The following TFEC variants were observed in gnomAD, a reference collection of about 807,000 sequenced individuals.
The protein encoded by TFEC is transcription factor EC.
A neutral mutation model predicts 41.6 loss-of-function variants in TFEC; 31 were observed. The observed-to-expected ratio is 0.74, with a 90% CI of 0.56 to 1.01. The LOEUF is 1.01. Ranked by LOEUF, TFEC falls within the 50% of genes least tolerant of loss-of-function variation. The probability of loss-of-function intolerance (pLI) is 0.00; values close to 1 mark genes in which losing one functional copy is unlikely to be tolerated. For synonymous variants in TFEC, 143 were observed against 140.6 expected (o/e 1.02, Z -0.12); for missense variants, 402 against 404.1 (o/e 0.99, Z 0.04).
chr7:115,974,739 T>C (rs1417611665), intron 2 of TFEC, among the ~76,000 whole-genome samples: 1 of 151,834 alleles, frequency 6.6e-6, no homozygotes, highest in Non-Finnish European at 1.5e-5. Context: ...ATATTCATGG[T>C]TAAATATTAC....
At chr7:116,067,517 T>C (rs1308068930) in intron 3 of TFEC, among the ~76,000 whole-genome samples, 1 of 152,054 alleles carries the variant, frequency 6.6e-6, no homozygotes, top group Non-Finnish European at 1.5e-5. Flanking sequence ...AGCATTTAGC[T>C]TGACTGGTTT....
At chr7:116,018,381 GTT>G (rs1795271680) in intron 1 of TFEC, among the ~76,000 whole-genome samples, 1 of 152,160 alleles carries the variant, frequency 6.6e-6, no homozygotes, top group Non-Finnish European at 1.5e-5. Flanking sequence ...TGGCTCCAGG[GTT>G]AATGGATGTA....
At chr7:116,041,661 GCTAATCACGTAGAAAA>G (rs1173522239) in intron 3 of TFEC, among the ~76,000 whole-genome samples, 2 of 152,162 alleles carry the variant, frequency 1.3e-5, no homozygotes, top group African/African-American at 4.8e-5. Flanking sequence ...TATAGATCTT[GCTAATCACGTAGAAAA>G]CTCTACTTCA....
chr7:116,009,969 C>T (rs78689695), intron 1 of TFEC, among the ~76,000 whole-genome samples: 18,485 of 152,100 alleles, frequency 0.12, 1,195 homozygotes, highest in Middle Eastern at 0.17. Context: ...GGGAAGACTT[C>T]CCAAAGGATG....
chr7:115,973,283 A>AT (rs1034312828), intron 3 of TFEC, among the ~76,000 whole-genome samples: 1 of 151,654 alleles, frequency 6.6e-6, no homozygotes, highest in South Asian at 2.1e-4. Flanking sequence ...TGCTTCCACC[A>AT]TTTTTTTTCT....
chr7:116,140,789 C>CATTT (rs1276465929), intron 1 of TFEC, among the ~76,000 whole-genome samples: 1 of 152,170 alleles, frequency 6.6e-6, no homozygotes, highest in Non-Finnish European at 1.5e-5. Flanking sequence ...TGCACTGTAG[C>CATTT]ATTTCATCAT....
At position 116,134,347 on chromosome 7, in the gene TFEC, AAAAG is replaced by A. The variant is rs1314763474; in HGVS notation, c.-68-22313_-68-22310del. 3.9e-5 allele frequency among the ~76,000 whole-genome samples: 6 copies of A among 152,224 alleles called. No homozygotes were observed. The South Asian group carries it at 1.2e-3, about 32-fold the overall frequency. On this transcript the variant is annotated intron_variant, in intron 1 of 8. Coordinates refer to the TFEC transcript ENST00000484212. Reference sequence around the variant, plus strand: ...ATGCTAGATATAAAAAATAAGAATAAAAAGAAAGAGGGAAGGAAAAATGTATACC... The same window carrying A: ...ATGCTAGATATAAAAAATAAGAATAAAAAGAGGGAAGGAAAAATGTATACC...
At chr7:116,008,368 C>A (rs1339782688) in intron 1 of TFEC, among the ~76,000 whole-genome samples, 2 of 152,132 alleles carry the variant, frequency 1.3e-5, no homozygotes, top group Non-Finnish European at 2.9e-5. Flanking sequence ...AATACATACA[C>A]ACATGCATGC....
intron 3 of TFEC, among the ~76,000 whole-genome samples, chr7:115,969,871 G>C (rs1294809998): frequency 6.6e-6 from 1 of 151,948 alleles, no homozygotes; most frequent in Non-Finnish European, 1.5e-5. Flanking sequence ...CATATTGATA[G>C]ATGTGAGTAT....
At chr7:116,106,932 T>C (rs1027374127) in intron 3 of TFEC, among the ~76,000 whole-genome samples, 22 of 152,210 alleles carry the variant, frequency 1.4e-4, no homozygotes, top group Admixed American at 1.3e-3. Flanking sequence ...GCTGATCCTG[T>C]TCCCCATCAG....
At chr7:116,040,976 G>A (rs1376715894) in intron 3 of TFEC, among the ~76,000 whole-genome samples, 31 of 152,118 alleles carry the variant, frequency 2.0e-4, no homozygotes, top group Admixed American at 2.0e-3. Context: ...TAGTCAGGTG[G>A]AAGTTTCTGC....
At chr7:115,974,457 C>G (rs79101663) in intron 2 of TFEC, among the ~76,000 whole-genome samples, 1,584 of 63,216 alleles carry the variant, frequency 0.025, 134 homozygotes, top group Admixed American at 0.083. Context: ...TATAAAAACA[C>G]AGATTACTTT....
intron 1 of TFEC, among the ~76,000 whole-genome samples, chr7:116,133,825 C>T (rs1798382106): frequency 6.6e-6 from 1 of 152,118 alleles, no homozygotes. Flanking sequence ...ATGCCTAAGA[C>T]ATCTTTAAGA....
In TFEC at chr7:116,119,509, C is replaced by T. The variant is rs762433064; in HGVS notation, c.-68-7471G>A. Among the ~76,000 whole-genome samples the T allele has an allele frequency of 8.6e-5, 13 of 151,392 alleles. No individual in the cohort carries two copies. In the East Asian group the frequency reaches 1.2e-3, roughly 14 times the overall value. ...AATTTAATGAATTAACCAAATCATA[C>T]GTACAATATTTTGAATATATGTTAA... On this transcript the variant is annotated intron_variant, in intron 1 of 8. Coordinates refer to the TFEC transcript ENST00000484212.
intron 1 of TFEC, among the ~76,000 whole-genome samples, chr7:116,008,860 T>C (rs12534795): frequency 0.12 from 17,539 of 152,200 alleles, 1,434 homozygotes; most frequent in East Asian, 0.38. Context: ...CTGCGTATTA[T>C]ATAATCCAAA....
intron 3 of TFEC, among the ~76,000 whole-genome samples, chr7:116,088,660 T>C (rs1797255134): frequency 6.6e-6 from 1 of 152,150 alleles, no homozygotes; most frequent in Non-Finnish European, 1.5e-5. Flanking sequence ...AATGTTAAAT[T>C]ATGTCTACCC....
At chr7:116,054,209 G>A (rs148938323) in intron 3 of TFEC, among the ~76,000 whole-genome samples, 2 of 152,280 alleles carry the variant, frequency 1.3e-5, no homozygotes, top group East Asian at 1.9e-4. Flanking sequence ...ATGAATTGTG[G>A]GAAGAATCGA....
intron 3 of TFEC, among the ~76,000 whole-genome samples, chr7:116,085,172 G>A (rs1797175209): frequency 6.6e-6 from 1 of 151,844 alleles, no homozygotes; most frequent in East Asian, 1.9e-4. Flanking sequence ...ATTAAGGCCA[G>A]TTTGCAATCT....
chr7:116,137,487 T>A (rs1037433617), intron 1 of TFEC, among the ~76,000 whole-genome samples: 1 of 152,146 alleles, frequency 6.6e-6, no homozygotes, highest in Non-Finnish European at 1.5e-5. Context: ...AGTGACTCTC[T>A]CGTAAACTTG....
Sources: gnomAD v4.1 joint callset for allele counts (sites outside exome capture counted in the v4.1 genomes callset) on GRCh38, gnomAD v4.1.1 for gene constraint, MANE v1.5 for transcripts, NCBI Gene and HGNC (gene_info 2026-07-23, HGNC 2026-07-21) for gene names.